QTMAN: variants seen among roughly 807,000 people sequenced by gnomAD.
QTMAN encodes the protein tRNA-queuosine alpha-mannosyltransferase.
At chr2:144,195,201 T>C in the QTMAN span, among the ~76,000 whole-genome samples, 1 of 151,908 alleles carries the variant, frequency 6.6e-6, no homozygotes, top group East Asian at 1.9e-4. Context: ...TAGAACACAA[T>C]AGCTGAGAAG....
the QTMAN span, among the ~76,000 whole-genome samples, chr2:144,021,937 A>G: frequency 6.6e-6 from 1 of 152,214 alleles, no homozygotes; most frequent in African/African-American, 2.4e-5. Context: ...GAAAGTCAAC[A>G]GATCTCTCAC....
chr2:144,060,143 C>T, the QTMAN span, among the ~76,000 whole-genome samples: 2 of 151,436 alleles, frequency 1.3e-5, no homozygotes, highest in East Asian at 1.9e-4. Context: ...TAGAGTTTGG[C>T]TCCACTAAAA....
the QTMAN span, among the ~76,000 whole-genome samples, chr2:144,085,455 T>C: frequency 6.6e-6 from 1 of 151,870 alleles, no homozygotes; most frequent in South Asian, 2.1e-4. Flanking sequence ...AATGGGAGAG[T>C]GGTAGATGTG....
chr2:144,257,180 A>G, the QTMAN span, among the ~76,000 whole-genome samples: 2 of 152,062 alleles, frequency 1.3e-5, no homozygotes, highest in Non-Finnish European at 2.9e-5. Flanking sequence ...ATTTTTAAAA[A>G]TCTGCCAAAT....
chr2:144,272,090 T>C, the QTMAN span, among the ~76,000 whole-genome samples: 2 of 152,152 alleles, frequency 1.3e-5, no homozygotes, highest in African/African-American at 2.4e-5. Context: ...CTGTGTAGCA[T>C]CTAGTAATCA....
the QTMAN span, among the ~76,000 whole-genome samples, chr2:144,246,591 A>AG: frequency 1.3e-5 from 2 of 150,072 alleles, no homozygotes; most frequent in Non-Finnish European, 3.0e-5. Flanking sequence ...AAAAAAAAAA[A>AG]AAAAAAAAAA....
At chr2:144,103,544 A>G in the QTMAN span, among the ~76,000 whole-genome samples, 1 of 152,338 alleles carries the variant, frequency 6.6e-6, no homozygotes, top group South Asian at 2.1e-4. Flanking sequence ...GCTACAGTAA[A>G]AACTGGTTAG....
the QTMAN span, among the ~76,000 whole-genome samples, chr2:144,023,071 G>A: frequency 5.9e-5 from 9 of 151,982 alleles, no homozygotes; most frequent in East Asian, 5.8e-4. Flanking sequence ...TCTGAAGTTC[G>A]TGAGAATCTA....
chr2:144,251,102 AT>A, the QTMAN span, among the ~76,000 whole-genome samples: 1 of 152,144 alleles, frequency 6.6e-6, no homozygotes, highest in African/African-American at 2.4e-5. Flanking sequence ...TAAAGTGGAA[AT>A]ATTACCATTT....
At chr2:144,191,462 T>TA in the QTMAN span, among the ~76,000 whole-genome samples, 1 of 152,220 alleles carries the variant, frequency 6.6e-6, no homozygotes, top group Non-Finnish European at 1.5e-5. Context: ...AATTGCTGAA[T>TA]AATGGAGTAT....
the QTMAN span, among the ~76,000 whole-genome samples, chr2:144,156,033 T>C: frequency 6.6e-6 from 1 of 152,128 alleles, no homozygotes; most frequent in Admixed American, 6.5e-5. Context: ...AAATATTCAG[T>C]CTTTCAGTAA....
At chr2:144,229,231 T>A in the QTMAN span, among the ~76,000 whole-genome samples, 1 of 152,222 alleles carries the variant, frequency 6.6e-6, no homozygotes, top group Non-Finnish European at 1.5e-5. Context: ...TGTGTACTAT[T>A]CTTGGGATAA....
At chr2:143,997,735 T>C in the QTMAN span, among the ~76,000 whole-genome samples, 29 of 152,220 alleles carry the variant, frequency 1.9e-4, no homozygotes, top group East Asian at 2.5e-3. Context: ...TTTCAATTAA[T>C]TGATCCACTG....
chr2:144,093,837 T>A, the QTMAN span, among the ~76,000 whole-genome samples: 4 of 152,272 alleles, frequency 2.6e-5, no homozygotes, highest in Admixed American at 2.0e-4. Flanking sequence ...CCCTACCCAG[T>A]GCTTGGTACA....
At chr2:144,096,262 A>C in the QTMAN span, among the ~76,000 whole-genome samples, 4 of 152,218 alleles carry the variant, frequency 2.6e-5, no homozygotes, top group Non-Finnish European at 5.9e-5. Flanking sequence ...AGCACACTGA[A>C]TCCTTTTTCT....
the QTMAN span, among the ~76,000 whole-genome samples, chr2:143,965,826 A>G: frequency 6.6e-6 from 1 of 152,330 alleles, no homozygotes; most frequent in Admixed American, 6.5e-5. Context: ...CCTGCAAGTG[A>G]TAAGTAACTC....
At chr2:144,088,282 C>T in the QTMAN span, among the ~76,000 whole-genome samples, 1 of 151,890 alleles carries the variant, frequency 6.6e-6, no homozygotes, top group Non-Finnish European at 1.5e-5. Context: ...AAGATCTCTA[C>T]AAGGATAACT....
At chr2:144,296,387 A>T in the QTMAN span, among the ~76,000 whole-genome samples, 1 of 152,236 alleles carries the variant, frequency 6.6e-6, no homozygotes, top group East Asian at 1.9e-4. Flanking sequence ...GAAATCACTA[A>T]TGTATATAAT....
the QTMAN span, among the ~76,000 whole-genome samples, chr2:144,242,020 T>C: frequency 6.6e-6 from 1 of 152,076 alleles, no homozygotes; most frequent in Admixed American, 6.5e-5. Context: ...GACCAAGGCA[T>C]GACACCAGGA....
Sources: allele counts gnomAD v4.1 joint callset (sites outside exome capture counted in the v4.1 genomes callset), GRCh38; gene constraint gnomAD v4.1.1; transcripts MANE v1.5; gene names NCBI Gene and HGNC (gene_info 2026-07-23, HGNC 2026-07-21).